The following GPC5 variants were observed in gnomAD, a reference collection of about 807,000 sequenced individuals.
GPC5 encodes the protein glypican 5, also known as glypican-5.
GPC5 carries 47 observed loss-of-function variants against 53.9 expected under a neutral mutation model. The observed-to-expected ratio is 0.87, with a 90% CI of 0.69 to 1.11. The LOEUF is 1.11. GPC5 is among the 50% of genes most tolerant of loss of function. GPC5 has a pLI of 0.00. For missense variants in GPC5, 748 were observed against 713.1 expected (o/e 1.05, Z -0.56); for synonymous variants, 286 against 263.3 (o/e 1.09, Z -0.84).
chr13:91,645,798 GTAA>G (rs1455199637), intron 2 of GPC5, among the ~76,000 whole-genome samples: 7 of 152,178 alleles, frequency 4.6e-5, no homozygotes, highest in African/African-American at 1.7e-4. Context: ...AGATCTGGTT[GTAA>G]TGCAGACTTC....
chr13:91,720,095 A>G (rs1013713298), intron 3 of GPC5, among the ~76,000 whole-genome samples: 2 of 152,158 alleles, frequency 1.3e-5, no homozygotes, highest in African/African-American at 4.8e-5. Flanking sequence ...TCATGTGGTA[A>G]TGGCTACTGT....
chr13:91,577,244 A>G (rs1447783301), intron 2 of GPC5, among the ~76,000 whole-genome samples: 2 of 152,180 alleles, frequency 1.3e-5, no homozygotes, highest in African/African-American at 4.8e-5. Context: ...GTCTTTGGGA[A>G]ATTCAACTTG....
intron 7 of GPC5, among the ~76,000 whole-genome samples, chr13:92,358,336 A>C (rs938281393): frequency 6.8e-5 from 8 of 117,320 alleles, no homozygotes; most frequent in African/African-American, 3.9e-4. Flanking sequence ...CAGGGAACAG[A>C]CCCTGTGGCT....
chr13:92,752,433 T>G (rs1285510978), intron 7 of GPC5, among the ~76,000 whole-genome samples: 1 of 152,170 alleles, frequency 6.6e-6, no homozygotes, highest in Non-Finnish European at 1.5e-5. Flanking sequence ...TTGATGGAAT[T>G]GTTGTAAAGG....
At chr13:92,839,949 C>A (rs1878365565) in intron 7 of GPC5, among the ~76,000 whole-genome samples, 1 of 151,542 alleles carries the variant, frequency 6.6e-6, no homozygotes, top group African/African-American at 2.4e-5. Context: ...ACTACAAATC[C>A]CTCCACAAAT....
At chr13:92,471,380 A>G (rs1878903034) in intron 7 of GPC5, among the ~76,000 whole-genome samples, 1 of 152,116 alleles carries the variant, frequency 6.6e-6, no homozygotes, top group Non-Finnish European at 1.5e-5. Flanking sequence ...AACAGCCTGC[A>G]GATGGATGTG....
At position 91,572,085 on chromosome 13, in the gene GPC5, A is replaced by ACG. The variant is rs1241843659; in HGVS notation, c.326-121102_326-121101insCG. On this transcript the variant is annotated intron_variant, in intron 2 of 7. Transcript: ENST00000377067. ...TACATGTATATACACACATATGTATATGTACATGTGTGTGTATATACACAC... is the reference window on the plus strand; with the variant it reads ...TACATGTATATACACACATATGTATACGTGTACATGTGTGTGTATATACACAC... Among the ~76,000 whole-genome samples the ACG allele has an allele frequency of 2.1e-3, 286 of 137,652 alleles. 35 individuals carry two copies. Among genetic ancestry groups the ACG allele is most frequent in the African/African-American group, 8.1e-3 (263 of 32,624 alleles). 90.3% of individuals were successfully genotyped at this position (137,652 alleles called of 152,430 possible). A position where few individuals can be genotyped will look rare whatever the true frequency, so the allele number is the denominator to read the frequency against.
chr13:91,985,045 AGT>A (rs2040394238), intron 6 of GPC5, among the ~76,000 whole-genome samples: 1 of 152,216 alleles, frequency 6.6e-6, no homozygotes, highest in Admixed American at 6.5e-5. Flanking sequence ...CTAATTAGAA[AGT>A]TATCGTAAAT....
rs1566320273 is a variant in GPC5 at position 92,613,379 on chromosome 13, A to ATAATATATTTATATATAAATATATT, written c.1562-252902_1562-252901insAATATATTTATATATAAATATATTT. 7.5e-3 allele frequency among the ~76,000 whole-genome samples: 541 copies of ATAATATATTTATATATAAATATATT among 72,324 alleles called. 11 individuals are homozygous for ATAATATATTTATATATAAATATATT. The highest frequency in any genetic ancestry group is 0.026 in the African/African-American group (505 of 19,608). The allele number at this position is 72,324 out of a possible 152,430, so 47.4% of individuals were successfully genotyped here. On this transcript the variant is annotated intron_variant, in intron 7 of 7. Coordinates refer to ENST00000377067, the MANE Select transcript of GPC5 (RefSeq NM_004466.6). Reference sequence around the variant, plus strand: ...ATATAATATATTTATATATAAATATATTATATTATATATAAATATATATTA... The same window carrying ATAATATATTTATATATAAATATATT: ...ATATAATATATTTATATATAAATATATAATATATTTATATATAAATATATTTTATATTATATATAAATATATATTA...
At chr13:92,283,737 A>G (rs1457361561) in intron 7 of GPC5, among the ~76,000 whole-genome samples, 3 of 152,246 alleles carry the variant, frequency 2.0e-5, no homozygotes, top group Non-Finnish European at 2.9e-5. Flanking sequence ...GGACACATTT[A>G]AAGCAGTGTG....
At chr13:92,384,753 C>T (rs1243503638) in intron 7 of GPC5, among the ~76,000 whole-genome samples, 4 of 152,150 alleles carry the variant, frequency 2.6e-5, no homozygotes, top group African/African-American at 9.7e-5. Context: ...GAGAGAGCAG[C>T]ATTTTCCCCA....
intron 4 of GPC5, among the ~76,000 whole-genome samples, chr13:91,733,037 GT>G (rs1337929300): frequency 2.0e-5 from 3 of 152,126 alleles, no homozygotes; most frequent in Admixed American, 2.0e-4. Flanking sequence ...ATTTAAAGTA[GT>G]TTTTTCTAAT....
chr13:92,057,038 G>A (rs777860959), intron 6 of GPC5, among the ~76,000 whole-genome samples: 21 of 152,264 alleles, frequency 1.4e-4, no homozygotes, highest in Admixed American at 7.2e-4. Flanking sequence ...ATTGAGAGGT[G>A]GGGTCCATTG....
intron 7 of GPC5, among the ~76,000 whole-genome samples, chr13:92,171,895 A>G (rs1340982638): frequency 6.6e-6 from 1 of 152,174 alleles, no homozygotes; most frequent in Non-Finnish European, 1.5e-5. Context: ...AATGACTGTT[A>G]CCATCATTCA....
In GPC5 at chr13:92,806,726, G is replaced by A. The variant is rs190120460; in HGVS notation, c.1562-59556G>A. Among the ~76,000 whole-genome samples, 249 of 152,142 alleles carry A rather than the reference G, an allele frequency of 1.6e-3. 1 individual carries two copies. The highest frequency in any genetic ancestry group is 5.2e-3 in the African/African-American group (217 of 41,538). On this transcript the variant is annotated intron_variant, in intron 7 of 7. Transcript: ENST00000377067. ...TTAGTGGAGCAGTCAGTGCACACAC[G>A]ACTCTTAATTAAGTTCACTGTCTTA...
At chr13:92,844,536 ATGTGTGTG>A (rs36093777) in intron 7 of GPC5, among the ~76,000 whole-genome samples, 33 of 149,746 alleles carry the variant, frequency 2.2e-4, no homozygotes, top group Admixed American at 1.9e-3. Context: ...TACAGGAAAA[ATGTGTGTG>A]TGTGTGTGTG....
chr13:91,907,354 T>C (rs2039563936), intron 5 of GPC5, among the ~76,000 whole-genome samples: 1 of 147,622 alleles, frequency 6.8e-6, no homozygotes, highest in Non-Finnish European at 1.5e-5. Context: ...AATCACTTAT[T>C]ACTTGGAGGA....
At chr13:92,579,858 A>T (rs1047567678) in intron 7 of GPC5, among the ~76,000 whole-genome samples, 1 of 152,008 alleles carries the variant, frequency 6.6e-6, no homozygotes, top group Non-Finnish European at 1.5e-5. Context: ...CTCTTTCTTT[A>T]TCATAAGCTA....
intron 7 of GPC5, among the ~76,000 whole-genome samples, chr13:92,540,528 A>G (rs1881899332): frequency 6.6e-6 from 1 of 151,936 alleles, no homozygotes; most frequent in South Asian, 2.1e-4. Context: ...GATCTAAGCT[A>G]TTTTTACAAA....
Sources: gnomAD v4.1 joint callset for allele counts (sites outside exome capture counted in the v4.1 genomes callset) on GRCh38, gnomAD v4.1.1 for gene constraint, MANE v1.5 for transcripts, NCBI Gene and HGNC (gene_info 2026-07-23, HGNC 2026-07-21) for gene names.